The following SERP2 variants were observed in gnomAD, a reference collection of about 807,000 sequenced individuals.
SERP2 encodes stress associated endoplasmic reticulum protein family member 2.
In SERP2, 6 loss-of-function variants were observed where a neutral mutation model predicts 9.1. That is an observed-to-expected ratio of 0.66 (90% CI 0.36 to 1.30). The LOEUF is 1.30. SERP2 is among the 50% of genes most tolerant of loss of function. The probability of loss-of-function intolerance (pLI) is 0.03; values close to 1 mark genes in which losing one functional copy is unlikely to be tolerated. For missense variants in SERP2, 58 were observed against 81.9 expected, an observed-to-expected ratio of 0.71 and a Z score of 1.13; for synonymous variants, 37 against 27.3, an observed-to-expected ratio of 1.35 and a Z score of -1.10.
chr13:44,375,091 A>G (rs1442585076), intron 1 of SERP2, among the ~76,000 whole-genome samples: 2 of 152,148 alleles, frequency 1.3e-5, no homozygotes, highest in African/African-American at 4.8e-5. Flanking sequence ...CTCCAAGTAT[A>G]TGAGCAAAGG....
chr13:44,396,028 C>A (rs946727876), intron 2 of SERP2: 2 of 267,358 alleles, frequency 7.5e-6, no homozygotes, highest in Non-Finnish European at 1.5e-5. Flanking sequence ...TATGGTGACA[C>A]TGAACACTCA....
intron 2 of SERP2, among the ~76,000 whole-genome samples, chr13:44,392,820 A>G (rs959687679): frequency 1.3e-5 from 2 of 152,178 alleles, no homozygotes; most frequent in African/African-American, 4.8e-5. Flanking sequence ...TGCATCATCA[A>G]CAGCTAGGTG....
intron 1 of SERP2, 56 bp downstream of exon 1, chr13:44,374,165 GGAAGGTGGGGGC>G: frequency 7.5e-6 from 2 of 267,310 alleles, no homozygotes; most frequent in Non-Finnish European, 1.2e-5. Context: ...GGGGTGGGGC[GGAAGGTGGGGGC>G]GGGGCCGGGC....
At chr13:44,380,450 C>T (rs533346854) in intron 2 of SERP2, among the ~76,000 whole-genome samples, 1 of 152,092 alleles carries the variant, frequency 6.6e-6, no homozygotes. Flanking sequence ...TCTTCCTGCT[C>T]AGGCTTAGGC....
chr13:44,395,583 G>A (rs9533840), intron 2 of SERP2, among the ~76,000 whole-genome samples: 61,438 of 137,728 alleles, frequency 0.45, 13,141 homozygotes, highest in Middle Eastern at 0.51. Flanking sequence ...CAACCTGGGC[G>A]ACAGAGGAAG....
intron 2 of SERP2, among the ~76,000 whole-genome samples, chr13:44,394,223 C>A (rs1483401813): frequency 1.3e-5 from 2 of 152,122 alleles, no homozygotes; most frequent in Admixed American, 6.5e-5. Context: ...CTGCAACCTC[C>A]ACCTCCCAGG....
intron 2 of SERP2, among the ~76,000 whole-genome samples, chr13:44,396,974 T>C (rs1405928061): frequency 6.6e-6 from 1 of 152,182 alleles, no homozygotes; most frequent in African/African-American, 2.4e-5. Flanking sequence ...AGAACTTTGC[T>C]GGGGAAGGGG....
intron 2 of SERP2, among the ~76,000 whole-genome samples, chr13:44,380,975 A>G (rs1425196748): frequency 2.6e-5 from 4 of 152,176 alleles, no homozygotes; most frequent in African/African-American, 9.7e-5. Flanking sequence ...TATTTTAAAG[A>G]TGACTGCCTG....
intron 1 of SERP2, 31 bp from the exon 2 acceptor site, chr13:44,379,610 C>G: frequency 6.5e-7 from 1 of 1,539,198 alleles, no homozygotes; most frequent in Non-Finnish European, 9.0e-7. Flanking sequence ...AGTCAATGAA[C>G]CTAATCTTAC....
intron 2 of SERP2, among the ~76,000 whole-genome samples, chr13:44,385,411 C>G (rs1315241195): frequency 1.1e-4 from 16 of 152,228 alleles, no homozygotes; most frequent in Admixed American, 8.5e-4. Context: ...AGCAACAGAC[C>G]TCCCGGGGCT....
At chr13:44,376,550 G>A (rs1274576353) in intron 1 of SERP2, among the ~76,000 whole-genome samples, 5 of 152,122 alleles carry the variant, frequency 3.3e-5, no homozygotes, top group Non-Finnish European at 5.9e-5. Context: ...CAAGGCGGAT[G>A]GATCACCTGA....
chr13:44,391,248 G>A (rs182108749), intron 2 of SERP2: 17 of 152,176 alleles, frequency 1.1e-4, no homozygotes, highest in Admixed American at 3.3e-4. Context: ...GCCTTTAGGA[G>A]TTTATAGTCT....
chr13:44,374,287 T>A (rs1474438559), intron 1 of SERP2, among the ~76,000 whole-genome samples, 178 bp downstream of exon 1: 1 of 152,142 alleles, frequency 6.6e-6, no homozygotes, highest in Non-Finnish European at 1.5e-5. Context: ...CGGCGCGGTC[T>A]GCTTGGCGTC....
chr13:44,383,555 T>TG (rs1872137895), intron 2 of SERP2, among the ~76,000 whole-genome samples: 1 of 144,442 alleles, frequency 6.9e-6, no homozygotes, highest in Non-Finnish European at 1.5e-5. Context: ...TTTTTTTTGT[T>TG]TTTTTTTTTT....
At position 44,374,159 on chromosome 13, in the gene SERP2, T is replaced by TC. The variant is rs201663302; in HGVS notation, c.84+50_84+51insC. On this transcript the variant is annotated intron_variant, in intron 1 of 2. Transcript: ENST00000379179. ...GGCAGAGCCCTGCAGCCCGGCGGGG[T>TC]GGGGCGGAAGGTGGGGGCGGGGCCG... is the stretch of plus-strand genomic sequence containing the variant. 13 of 597,578 alleles carry TC rather than the reference T, an allele frequency of 2.2e-5. 1 individual carries two copies. The highest frequency in any genetic ancestry group is 1.2e-4 in the African/African-American group (6 of 49,902). The allele number at this position is 597,578 out of a possible 1,614,324, so 37.0% of individuals were successfully genotyped here. A position where few individuals can be genotyped will look rare whatever the true frequency, so the allele number is the denominator to read the frequency against.
rs1266342626 is a variant in SERP2, at chr13:44,383,419, G to A, written c.157+3706G>A. ...GCCTGGCTTACCAGCCCATGCAGCA[G>A]GACCTGTATCTTTCCCTCTTGGGTA... is the stretch of plus-strand genomic sequence containing the variant. On this transcript the variant is annotated intron_variant, in intron 2 of 2. Coordinates refer to ENST00000379179, the MANE Select transcript of SERP2 (RefSeq NM_001010897.3). 2.6e-5 allele frequency among the ~76,000 whole-genome samples: 4 copies of A among 152,262 alleles called. No homozygotes were observed. The East Asian group carries it at 7.7e-4, about 29-fold the overall frequency.
chr13:44,397,355 G>A lies in SERP2; in HGVS notation c.*43G>A, dbSNP rs372132224. On this transcript the variant is annotated 3_prime_UTR_variant, in exon 3 of 3. Transcript: ENST00000379179. ...CACCACCTCCCTCCCACTGGAGGCG[G>A]GAGGACAACGGAAGCGGTCAGCCAG... 6.7e-6 allele frequency: 10 copies of A among 1,491,226 alleles called. No homozygotes were observed. Among genetic ancestry groups the A allele is most frequent in the South Asian group, 1.1e-5 (1 of 88,652 alleles). The allele number at this position is 1,491,226 out of a possible 1,614,324, so 92.4% of individuals were successfully genotyped here.
intron 2 of SERP2, among the ~76,000 whole-genome samples, chr13:44,380,449 T>C (rs1177867775): frequency 6.6e-6 from 1 of 152,080 alleles, no homozygotes; most frequent in Non-Finnish European, 1.5e-5. Flanking sequence ...ATCTTCCTGC[T>C]CAGGCTTAGG....
intron 2 of SERP2, chr13:44,395,827 G>A (rs2138802009): frequency 2.2e-6 from 1 of 457,140 alleles, no homozygotes; most frequent in South Asian, 1.6e-5. Context: ...TAATAGTACA[G>A]GACCCACTGC....
Sources: gnomAD v4.1 joint callset for allele counts (sites outside exome capture counted in the v4.1 genomes callset) on GRCh38, gnomAD v4.1.1 for gene constraint, MANE v1.5 for transcripts, NCBI Gene and HGNC (gene_info 2026-07-23, HGNC 2026-07-21) for gene names.